The following KIF26B variants were observed in gnomAD, a reference collection of about 807,000 sequenced individuals.
The protein encoded by KIF26B is kinesin-like protein KIF26B.
In KIF26B, 63 loss-of-function variants were observed where a neutral mutation model predicts 151.2. The observed-to-expected ratio is 0.42, with a 90% CI of 0.34 to 0.51. The LOEUF is 0.51. Among genes scored for constraint, KIF26B ranks in the 20% least tolerant of loss-of-function variants. The probability of loss-of-function intolerance (pLI) is 0.07; values close to 1 mark genes in which losing one functional copy is unlikely to be tolerated. For synonymous variants in KIF26B, 1,357 were observed against 1,262.1 expected, an observed-to-expected ratio of 1.08 and a Z score of -1.59; for missense variants, 2,813 against 2,913.6, an observed-to-expected ratio of 0.97 and a Z score of 0.79.
intron 2 of KIF26B, among the ~76,000 whole-genome samples, chr1:245,301,027 C>T (rs1190613160): frequency 1.3e-5 from 2 of 151,550 alleles, no homozygotes; most frequent in East Asian, 1.9e-4. Context: ...ATGGGGGTTT[C>T]GCCATGTTGA....
At chr1:245,658,435 G>A (rs1181343505) in intron 10 of KIF26B, among the ~76,000 whole-genome samples, 2 of 152,092 alleles carry the variant, frequency 1.3e-5, no homozygotes, top group East Asian at 1.9e-4. Context: ...GTGTCACTCC[G>A]TCACCCAGAC....
Position 245,667,003 on chromosome 1 carries a change from G to A in KIF26B, c.2259-17230G>A, listed in dbSNP as rs925180766. 2.0e-5 allele frequency among the ~76,000 whole-genome samples: 3 copies of A among 152,100 alleles called. No individual in the cohort carries two copies. The highest frequency in any genetic ancestry group is 2.9e-5 in the Non-Finnish European group (2 of 68,020). On this transcript the variant is annotated intron_variant, in intron 10 of 14. Coordinates refer to ENST00000407071, the MANE Select transcript of KIF26B (RefSeq NM_018012.4). This position sits in a 1 kb window ranked among gnomAD's most constrained non-coding sequence, Gnocchi z 4.3. ...GGAGGGGCCTGATGGTAATGTTGGTGTAAAATGTCTCTGCTGTGATCCACC... is the reference window on the plus strand; with the variant it reads ...GGAGGGGCCTGATGGTAATGTTGGTATAAAATGTCTCTGCTGTGATCCACC...
chr1:245,506,598 A>G (rs907746122), intron 4 of KIF26B, among the ~76,000 whole-genome samples: 1 of 152,184 alleles, frequency 6.6e-6, no homozygotes, highest in Non-Finnish European at 1.5e-5. Flanking sequence ...ATAGAATACT[A>G]CAGATTGGAG....
intron 2 of KIF26B, among the ~76,000 whole-genome samples, chr1:245,271,345 G>A (rs1670853628): frequency 6.6e-6 from 1 of 152,006 alleles, no homozygotes; most frequent in Admixed American, 6.6e-5. Context: ...CTCACTTCAG[G>A]TACTATGGAC....
intron 2 of KIF26B, among the ~76,000 whole-genome samples, chr1:245,215,370 T>C (rs1461140755): frequency 2.0e-5 from 3 of 152,030 alleles, no homozygotes; most frequent in African/African-American, 7.2e-5. Flanking sequence ...TGGTGTGAAG[T>C]AGATTCAGTT....
intron 4 of KIF26B, among the ~76,000 whole-genome samples, chr1:245,519,756 G>A (rs1481932409): frequency 6.6e-6 from 1 of 152,072 alleles, no homozygotes; most frequent in Non-Finnish European, 1.5e-5. Context: ...GTAGCCATTT[G>A]TAACACAATG....
At chr1:245,400,488 G>GGTTT (rs1553270995) in intron 3 of KIF26B, among the ~76,000 whole-genome samples, 1 of 123,864 alleles carries the variant, frequency 8.1e-6, no homozygotes, top group Non-Finnish European at 1.6e-5. Flanking sequence ...TAGATAGTGA[G>GGTTT]TTTTTTTTTT....
chr1:245,429,450 C>T (rs964165312), intron 4 of KIF26B, among the ~76,000 whole-genome samples: 5 of 152,128 alleles, frequency 3.3e-5, no homozygotes, highest in South Asian at 2.1e-4. Flanking sequence ...AAGAGCAATT[C>T]GCCCTTAAAT....
intron 3 of KIF26B, among the ~76,000 whole-genome samples, chr1:245,381,064 A>G (rs1673398326): frequency 6.6e-6 from 1 of 151,984 alleles, no homozygotes; most frequent in South Asian, 2.1e-4. Flanking sequence ...ACCGTAAAGT[A>G]TTTCGATGTC....
intron 4 of KIF26B, among the ~76,000 whole-genome samples, chr1:245,500,695 G>C (rs1031736469): frequency 1.3e-5 from 2 of 152,340 alleles, no homozygotes; most frequent in African/African-American, 2.4e-5. Context: ...ACCAGGGCGA[G>C]GGCTGGGCCC....
rs73127113 is a variant in KIF26B, at chr1:245,202,248, A to G, written c.465+45565A>G. Among the ~76,000 whole-genome samples, 871 of 146,664 alleles carry G rather than the reference A, an allele frequency of 5.9e-3. 8 individuals are homozygous for G. Among genetic ancestry groups the G allele is most frequent in the African/African-American group, 0.02 (798 of 40,598 alleles). ...TCTCGCAACGTTACTCACTGCCCTC[A>G]CTGCAGAGCACTCCTTGTGTACCCT... On this transcript the variant is annotated intron_variant, in intron 2 of 14. Transcript: ENST00000407071.
At chr1:245,529,070 G>C (rs995375832) in intron 4 of KIF26B, among the ~76,000 whole-genome samples, 4 of 152,178 alleles carry the variant, frequency 2.6e-5, no homozygotes, top group Non-Finnish European at 2.9e-5. Context: ...CTGAAGCCCA[G>C]CTTTTGCAGA....
intron 5 of KIF26B, among the ~76,000 whole-genome samples, chr1:245,544,935 G>A (rs1450999794): frequency 6.6e-6 from 1 of 152,076 alleles, no homozygotes; most frequent in Non-Finnish European, 1.5e-5. Context: ...GTCATTTCTG[G>A]CCACTGAGCA....
intron 2 of KIF26B, among the ~76,000 whole-genome samples, chr1:245,214,480 A>G (rs929275885): frequency 6.6e-6 from 1 of 152,222 alleles, no homozygotes; most frequent in Non-Finnish European, 1.5e-5. Context: ...TAAATAACAC[A>G]TTACCATCCC....
At chr1:245,548,267 C>A (rs1287182373) in intron 5 of KIF26B, among the ~76,000 whole-genome samples, 1 of 150,530 alleles carries the variant, frequency 6.6e-6, no homozygotes, top group Non-Finnish European at 1.5e-5. Flanking sequence ...AGAAAGGATA[C>A]ACAATGTGGT....
chr1:245,411,185 G>A (rs1439683115), intron 3 of KIF26B, among the ~76,000 whole-genome samples: 4 of 152,350 alleles, frequency 2.6e-5, no homozygotes, highest in Admixed American at 6.5e-5. Flanking sequence ...AAAGGTTCAT[G>A]ACACTGCCAC....
At chr1:245,344,384 G>A (rs1045615006) in intron 2 of KIF26B, among the ~76,000 whole-genome samples, 5 of 151,478 alleles carry the variant, frequency 3.3e-5, no homozygotes, top group African/African-American at 7.3e-5. Flanking sequence ...AGTCCCAGCT[G>A]CTCGGGAGGC....
intron 14 of KIF26B, among the ~76,000 whole-genome samples, chr1:245,699,861 A>AG (rs1296429173): frequency 6.6e-6 from 1 of 152,130 alleles, no homozygotes; most frequent in African/African-American, 2.4e-5. Flanking sequence ...GCCAGTGTGG[A>AG]GGGCCTACAG....
At chr1:245,282,265 A>G (rs561217607) in intron 2 of KIF26B, among the ~76,000 whole-genome samples, 106 of 152,304 alleles carry the variant, frequency 7.0e-4, no homozygotes, top group Non-Finnish European at 1.2e-3. Flanking sequence ...ATATGGAACC[A>G]AAAAAGAGCC....
Sources: gnomAD v4.1 joint callset for allele counts (sites outside exome capture counted in the v4.1 genomes callset) on GRCh38, gnomAD v4.1.1 for gene constraint, Gnocchi (gnomAD v3.1) non-coding constraint, MANE v1.5 for transcripts, NCBI Gene and HGNC (gene_info 2026-07-23, HGNC 2026-07-21) for gene names.